Variants in PLPPR1 observed in about 807,000 individuals in gnomAD.
PLPPR1 encodes the protein phospholipid phosphatase related 1.
A neutral mutation model predicts 33.1 loss-of-function variants in PLPPR1; 10 were observed. The observed-to-expected ratio is 0.30, with a 90% CI of 0.19 to 0.51. PLPPR1 has a LOEUF of 0.51. Ranked by LOEUF, PLPPR1 falls within the 20% of genes least tolerant of loss-of-function variation. The pLI is 0.97. For synonymous variants in PLPPR1, 151 were observed against 151.0 expected (o/e 1.00, Z 0.00); for missense variants, 304 against 408.1 (o/e 0.74, Z 2.20).
chr9:101,278,868 C>A (rs1026781799), intron 3 of PLPPR1, among the ~76,000 whole-genome samples: 5 of 152,206 alleles, frequency 3.3e-5, no homozygotes, highest in African/African-American at 1.2e-4. Context: ...TTTGGGCATA[C>A]CCCACCCCTG....
At chr9:101,239,287 A>T (rs918332496) in intron 2 of PLPPR1, among the ~76,000 whole-genome samples, 1 of 151,976 alleles carries the variant, frequency 6.6e-6, no homozygotes, top group African/African-American at 2.4e-5. Flanking sequence ...TTTTTCAGAA[A>T]GTTCCATACT....
At position 101,312,794 on chromosome 9, in the gene PLPPR1, C is replaced by T. The variant is rs757841139; in HGVS notation, c.637-4C>T. On this transcript the variant is annotated splice_region_variant and splice_polypyrimidine_tract_variant and intron_variant, in intron 5 of 7. Transcript: ENST00000374874. ...GTCACTCCCTGGCCTCTGTCCTATT[C>T]CAGATGTATATTACAAGCACAATCA... 1.9e-6 allele frequency: 3 copies of T among 1,613,674 alleles called. No homozygotes were observed. Among genetic ancestry groups the T allele is most frequent in the East Asian group, 2.2e-5 (1 of 44,870 alleles).
intron 1 of PLPPR1, among the ~76,000 whole-genome samples, chr9:101,164,402 G>A (rs577091885): frequency 7.5e-4 from 109 of 146,036 alleles, no homozygotes; most frequent in Non-Finnish European, 1.3e-3. Flanking sequence ...TTGCTCTGTC[G>A]CTCAGGCTGG....
At chr9:101,188,542 T>C (rs143951005) in intron 2 of PLPPR1, among the ~76,000 whole-genome samples, 53 of 152,190 alleles carry the variant, frequency 3.5e-4, no homozygotes, top group African/African-American at 1.2e-3. Context: ...TAACGTTGGA[T>C]AGAGGCAGTG....
At chr9:101,259,924 G>T (rs1019526718) in intron 2 of PLPPR1, among the ~76,000 whole-genome samples, 2 of 152,096 alleles carry the variant, frequency 1.3e-5, no homozygotes, top group Non-Finnish European at 2.9e-5. Context: ...TCTGTCCTTT[G>T]TCCACAAGGC....
intron 1 of PLPPR1, among the ~76,000 whole-genome samples, chr9:101,180,203 C>T (rs1826086161): frequency 7.1e-6 from 1 of 140,810 alleles, no homozygotes; most frequent in African/African-American, 2.5e-5. Flanking sequence ...CACATACACA[C>T]ACATATATAT....
chr9:101,188,138 T>C (rs1292605015), intron 2 of PLPPR1: 1 of 152,084 alleles, frequency 6.6e-6, no homozygotes, highest in Non-Finnish European at 1.5e-5. Flanking sequence ...CAAATATACC[T>C]ACTGAGGGAC....
intron 1 of PLPPR1, among the ~76,000 whole-genome samples, chr9:101,121,024 G>A (rs1244473292): frequency 6.6e-6 from 1 of 152,122 alleles, no homozygotes; most frequent in Non-Finnish European, 1.5e-5. Context: ...GGGGTTTTAG[G>A]TAGAGGGGAA....
chr9:101,131,892 G>T (rs1382988264), intron 1 of PLPPR1, among the ~76,000 whole-genome samples: 1 of 152,096 alleles, frequency 6.6e-6, no homozygotes, highest in Non-Finnish European at 1.5e-5. Flanking sequence ...CTTTCTCTTG[G>T]TTTCCCTATC....
At chr9:101,162,045 G>T (rs559222538) in intron 1 of PLPPR1, among the ~76,000 whole-genome samples, 4 of 151,158 alleles carry the variant, frequency 2.6e-5, no homozygotes, top group Admixed American at 2.6e-4. Flanking sequence ...ACACTTGTTA[G>T]CCAGGTAGTC....
chr9:101,292,539 G>A (rs1037019954), intron 4 of PLPPR1, among the ~76,000 whole-genome samples: 1 of 149,084 alleles, frequency 6.7e-6, no homozygotes, highest in East Asian at 2.1e-4. Flanking sequence ...GGCAGCCAGA[G>A]AGAATGGTCG....
At chr9:101,286,347 T>C (rs753018461) in intron 4 of PLPPR1, 111 bp downstream of exon 4, 58 of 1,031,786 alleles carry the variant, frequency 5.6e-5, no homozygotes, top group Non-Finnish European at 7.9e-5. Flanking sequence ...CAAGGGCTGC[T>C]TTGGGGATTT....
intron 1 of PLPPR1, among the ~76,000 whole-genome samples, chr9:101,183,473 G>A (rs1338207921): frequency 2.0e-5 from 3 of 151,750 alleles, no homozygotes; most frequent in African/African-American, 7.2e-5. Flanking sequence ...GAGTCAGAAA[G>A]CAGATTACCT....
At chr9:101,162,181 A>T (rs946544664) in intron 1 of PLPPR1, among the ~76,000 whole-genome samples, 17 of 152,096 alleles carry the variant, frequency 1.1e-4, no homozygotes, top group Non-Finnish European at 1.9e-4. Context: ...GTTATATCAT[A>T]TGGTACTGGG....
intron 2 of PLPPR1, among the ~76,000 whole-genome samples, chr9:101,231,939 C>G (rs1444482295): frequency 6.6e-6 from 1 of 152,052 alleles, no homozygotes; most frequent in Admixed American, 6.6e-5. Flanking sequence ...TTCAAACTCC[C>G]TATTCTTGAT....
chr9:101,297,841 G>A (rs771210826), intron 4 of PLPPR1, among the ~76,000 whole-genome samples: 79 of 151,648 alleles, frequency 5.2e-4, no homozygotes, highest in Admixed American at 1.6e-3. Flanking sequence ...ACATTACATT[G>A]TGTAGTAACA....
chr9:101,048,983 C>T (rs867341824), intron 1 of PLPPR1, among the ~76,000 whole-genome samples: 7 of 152,142 alleles, frequency 4.6e-5, no homozygotes, highest in South Asian at 2.1e-4. Context: ...AATATCACAT[C>T]AAGGGAAGTT....
At chr9:101,244,680 T>C (rs1190097783) in intron 2 of PLPPR1, among the ~76,000 whole-genome samples, 1 of 151,924 alleles carries the variant, frequency 6.6e-6, no homozygotes, top group African/African-American at 2.4e-5. Flanking sequence ...TTTTTCTAGG[T>C]TGACATACAA....
At chr9:101,144,701 C>G (rs575824326) in intron 1 of PLPPR1, among the ~76,000 whole-genome samples, 1 of 152,302 alleles carries the variant, frequency 6.6e-6, no homozygotes, top group African/African-American at 2.4e-5. Flanking sequence ...CCCTAGCAGG[C>G]AAATACAGGT....
Sources: gnomAD v4.1 joint callset for allele counts (sites outside exome capture counted in the v4.1 genomes callset) on GRCh38, gnomAD v4.1.1 for gene constraint, MANE v1.5 for transcripts, NCBI Gene and HGNC (gene_info 2026-07-23, HGNC 2026-07-21) for gene names.